STIM1: variants seen among roughly 807,000 people sequenced by gnomAD.
STIM1 encodes the protein stromal interaction molecule 1.
A neutral mutation model predicts 74.7 loss-of-function variants in STIM1; 25 were observed. The observed-to-expected ratio is 0.33, with a 90% CI of 0.24 to 0.47. The LOEUF (loss-of-function observed/expected upper bound fraction) is 0.47, where lower values mean the gene tolerates loss of function less well. Ranked by LOEUF, STIM1 falls within the 20% of genes least tolerant of loss-of-function variation. The pLI is 1.00. For synonymous variants in STIM1, 328 were observed against 348.8 expected (o/e 0.94, Z 0.66); for missense variants, 728 against 920.8 (o/e 0.79, Z 2.71).
At chr11:4,026,945 C>T (rs1381089786) in intron 3 of STIM1, among the ~76,000 whole-genome samples, 1 of 152,120 alleles carries the variant, frequency 6.6e-6, no homozygotes, top group African/African-American at 2.4e-5. Flanking sequence ...AACTTAATAT[C>T]CAGCTCCCTT....
intron 2 of STIM1, chr11:3,973,397 G>A (rs2093414555): frequency 7.7e-6 from 3 of 388,596 alleles, no homozygotes; most frequent in Middle Eastern, 1.0e-3. Flanking sequence ...TCACAGTATG[G>A]TATTTCTTTT....
At chr11:4,074,342 A>G (rs2094424465) in intron 6 of STIM1, among the ~76,000 whole-genome samples, 160 bp from the exon 7 acceptor site, 1 of 152,192 alleles carries the variant, frequency 6.6e-6, no homozygotes, top group African/African-American at 2.4e-5. Flanking sequence ...TGTGGTTTCT[A>G]TGGGCCTTGA....
intron 1 of STIM1, among the ~76,000 whole-genome samples, chr11:3,860,301 A>C (rs2090547967): frequency 6.6e-6 from 1 of 152,232 alleles, no homozygotes; most frequent in African/African-American, 2.4e-5. Flanking sequence ...TTGTTTTATT[A>C]AATTCTTATT....
intron 2 of STIM1, among the ~76,000 whole-genome samples, chr11:4,018,016 A>G (rs188590409): frequency 6.6e-6 from 1 of 152,340 alleles, no homozygotes; most frequent in African/African-American, 2.4e-5. Context: ...CAAAGTCTTG[A>G]TAATAGCCTA....
At chr11:3,868,448 T>C (rs2090952690) in intron 1 of STIM1, among the ~76,000 whole-genome samples, 1 of 152,226 alleles carries the variant, frequency 6.6e-6, no homozygotes, top group African/African-American at 2.4e-5. Context: ...ATTAGCTTTA[T>C]CTGATCCCAA....
At chr11:3,948,829 T>C (rs2093110534) in intron 1 of STIM1, among the ~76,000 whole-genome samples, 1 of 152,194 alleles carries the variant, frequency 6.6e-6, no homozygotes, top group Non-Finnish European at 1.5e-5. Flanking sequence ...TTAGATCCCT[T>C]AATTCTCTTC....
At chr11:3,964,906 G>A (rs1352870702) in intron 1 of STIM1, among the ~76,000 whole-genome samples, 1 of 151,750 alleles carries the variant, frequency 6.6e-6, no homozygotes, top group East Asian at 1.9e-4. Context: ...TTAAATTTTT[G>A]TAAAGACAGG....
intron 2 of STIM1, among the ~76,000 whole-genome samples, chr11:3,985,264 G>A (rs1031227195): frequency 2.0e-5 from 3 of 152,222 alleles, no homozygotes; most frequent in Non-Finnish European, 4.4e-5. Context: ...GTCGATGACA[G>A]GGATGAGATA....
chr11:4,005,738 T>G (rs575482633), intron 2 of STIM1, among the ~76,000 whole-genome samples: 1 of 151,756 alleles, frequency 6.6e-6, no homozygotes, highest in African/African-American at 2.4e-5. Flanking sequence ...ATAATAATAA[T>G]AAAAAAGATT....
Position 3,902,367 on chromosome 11 carries a change from G to A in STIM1, c.139+45958G>A, listed in dbSNP as rs1387899527. On this transcript the variant is annotated intron_variant, in intron 1 of 12. Coordinates refer to ENST00000526596, the MANE Select transcript of STIM1 (RefSeq NM_001382567.1). ...GAGTGAAAATAGGAGTGAGCAGAGA[G>A]CAGCGATCCCCAATCTTTTTGGCAC... is the stretch of plus-strand genomic sequence containing the variant. 2.6e-5 allele frequency among the ~76,000 whole-genome samples: 4 copies of A among 152,190 alleles called. No individual in the cohort carries two copies. The East Asian group carries it at 7.7e-4, about 29-fold the overall frequency.
intron 1 of STIM1, among the ~76,000 whole-genome samples, chr11:3,932,300 A>G: frequency 6.6e-6 from 1 of 152,224 alleles, no homozygotes; most frequent in Non-Finnish European, 1.5e-5. Flanking sequence ...CAACAGACAC[A>G]GGGCCTTTGG....
At chr11:3,966,467 G>C (rs184642163) in intron 1 of STIM1, among the ~76,000 whole-genome samples, 14 of 152,210 alleles carry the variant, frequency 9.2e-5, no homozygotes, top group African/African-American at 3.4e-4. Context: ...CCTTCTAAAA[G>C]GCGTCACAAC....
intron 1 of STIM1, among the ~76,000 whole-genome samples, chr11:3,885,116 T>C (rs1487876767): frequency 1.3e-5 from 2 of 152,066 alleles, no homozygotes; most frequent in Non-Finnish European, 2.9e-5. Flanking sequence ...TAAAAATCAC[T>C]GAATTATAAA....
At position 3,957,413 on chromosome 11, in the gene STIM1, C is replaced by T. The variant is rs551223672; in HGVS notation, c.140-10139C>T. ...TTGGGATTACAGGCGCCCGCCACCA[C>T]GCCCGGCTAATTTTTTTGTATTTTT... is the stretch of plus-strand genomic sequence containing the variant. On this transcript the variant is annotated intron_variant, in intron 1 of 12. Coordinates refer to ENST00000526596, the MANE Select transcript of STIM1 (RefSeq NM_001382567.1). 1.4e-4 allele frequency among the ~76,000 whole-genome samples: 22 copies of T among 152,074 alleles called. No individual in the cohort carries two copies. The South Asian group carries it at 2.1e-3, about 14-fold the overall frequency.
At chr11:3,873,505 G>A (rs570298741) in intron 1 of STIM1, among the ~76,000 whole-genome samples, 12 of 151,564 alleles carry the variant, frequency 7.9e-5, no homozygotes, top group African/African-American at 2.2e-4. Context: ...GGCCTGAAGC[G>A]ATCCTCGCAC....
intron 1 of STIM1, among the ~76,000 whole-genome samples, chr11:3,857,882 G>C (rs1458428951): frequency 6.6e-6 from 1 of 152,208 alleles, no homozygotes; most frequent in African/African-American, 2.4e-5. Flanking sequence ...CCATGTGTAA[G>C]TAGGATACCT....
intron 2 of STIM1, chr11:3,989,497 TGAG>T (rs907169878): frequency 3.2e-6 from 2 of 626,706 alleles, no homozygotes; most frequent in African/African-American, 3.7e-5. Flanking sequence ...GGGATGTCTG[TGAG>T]CCGCGGCGCA....
intron 1 of STIM1, among the ~76,000 whole-genome samples, chr11:3,875,259 G>GATAA (rs2091271132): frequency 6.6e-6 from 1 of 152,148 alleles, no homozygotes; most frequent in Non-Finnish European, 1.5e-5. Flanking sequence ...CACTTCACAG[G>GATAA]ATAAAGGCTT....
intron 3 of STIM1, among the ~76,000 whole-genome samples, chr11:4,028,887 G>A (rs552759750): frequency 6.6e-6 from 1 of 152,028 alleles, no homozygotes; most frequent in East Asian, 1.9e-4. Flanking sequence ...CAAAAGCCTG[G>A]TAGAAAATAA....
Sources: allele counts gnomAD v4.1 joint callset (sites outside exome capture counted in the v4.1 genomes callset), GRCh38; gene constraint gnomAD v4.1.1; transcripts MANE v1.5; gene names NCBI Gene and HGNC (gene_info 2026-07-23, HGNC 2026-07-21).